CUL2: variants seen among roughly 807,000 people sequenced by gnomAD.
CUL2 encodes the protein cullin 2.
A neutral mutation model predicts 110.2 loss-of-function variants in CUL2; 22 were observed. That is an observed-to-expected ratio of 0.20 (90% confidence interval 0.14 to 0.28). The LOEUF (loss-of-function observed/expected upper bound fraction) is 0.28, where lower values mean the gene tolerates loss of function less well. CUL2 is among the 10% of genes least tolerant of loss of function. The pLI, the probability that CUL2 is intolerant of heterozygous loss-of-function variation, is 1.00. For missense variants in CUL2, 631 were observed against 905.5 expected (o/e 0.70, Z 3.89); for synonymous variants, 279 against 293.2 (o/e 0.95, Z 0.49).
Position 35,011,043 on chromosome 10 carries a change from C to T in CUL2, c.2107-601G>A, listed in dbSNP as rs920358683. On this transcript the variant is annotated intron_variant, in intron 20 of 20. Transcript: ENST00000374749. ...CAATGAATCAGCAAGTTTTAGACCTCTAAAATAAAGCCAAAGCAAATATGA... is the reference window on the plus strand; with the variant it reads ...CAATGAATCAGCAAGTTTTAGACCTTTAAAATAAAGCCAAAGCAAATATGA... Among the ~76,000 whole-genome samples the T allele has an allele frequency of 1.5e-4, 23 of 152,158 alleles. No individual in the cohort carries two copies. The Middle Eastern group carries it at 0.01, about 68-fold the overall frequency.
chr10:35,107,744 T>TG (rs1169975337), intron 1 of CUL2, among the ~76,000 whole-genome samples: 1 of 151,360 alleles, frequency 6.6e-6, no homozygotes, highest in Non-Finnish European at 1.5e-5. Flanking sequence ...TAGCCAGGCG[T>TG]GGTGGCAGGC....
intron 1 of CUL2, 64 bp from the exon 2 acceptor site, chr10:35,071,403 GTT>G (rs2086674711): frequency 6.9e-7 from 1 of 1,445,054 alleles, no homozygotes; most frequent in Non-Finnish European, 9.6e-7. Context: ...TTTTGTTGTT[GTT>G]TTTTGTTTGT....
chr10:35,110,362 G>A (rs2087510378), intron 1 of CUL2, among the ~76,000 whole-genome samples: 1 of 151,496 alleles, frequency 6.6e-6, no homozygotes, highest in African/African-American at 2.4e-5. Context: ...TCAGGAATTC[G>A]AGACCAGCCT....
chr10:35,015,163 C>T (rs189307425), intron 18 of CUL2, among the ~76,000 whole-genome samples: 7 of 151,660 alleles, frequency 4.6e-5, no homozygotes, highest in Admixed American at 3.3e-4. Context: ...CATGGTGGCA[C>T]GTGCCTGTAG....
chr10:35,033,532 C>T (rs1468645453), intron 10 of CUL2, among the ~76,000 whole-genome samples: 1 of 151,764 alleles, frequency 6.6e-6, no homozygotes, highest in Non-Finnish European at 1.5e-5. Context: ...GTCAGGAGAT[C>T]GAGACCATCC....
intron 2 of CUL2, among the ~76,000 whole-genome samples, chr10:35,097,823 G>A (rs956240007): frequency 6.6e-6 from 1 of 151,938 alleles, no homozygotes; most frequent in Admixed American, 6.6e-5. Context: ...GCCAGGCTTG[G>A]TGGTGCATGC....
chr10:35,017,726 C>A (rs557873780), intron 17 of CUL2, among the ~76,000 whole-genome samples: 134 of 151,330 alleles, frequency 8.9e-4, no homozygotes, highest in African/African-American at 2.9e-3. Flanking sequence ...TGCTAAATGA[C>A]CCTGGGAGCT....
intron 2 of CUL2, among the ~76,000 whole-genome samples, chr10:35,067,496 T>A (rs560071888): frequency 1.3e-5 from 2 of 152,074 alleles, no homozygotes; most frequent in Non-Finnish European, 2.9e-5. Flanking sequence ...ATACCTATAA[T>A]CTCAGAACTT....
chr10:35,021,213 A>T (rs956261681), intron 17 of CUL2, among the ~76,000 whole-genome samples: 2 of 151,722 alleles, frequency 1.3e-5, no homozygotes, highest in African/African-American at 4.8e-5. Flanking sequence ...CTGCAGATTA[A>T]ATTAACCTCC....
chr10:35,088,812 C>T (rs148214640), intron 1 of CUL2, among the ~76,000 whole-genome samples: 45 of 152,264 alleles, frequency 3.0e-4, no homozygotes, highest in South Asian at 2.1e-3. Context: ...ATTTTTCCCA[C>T]GCTATGTGCA....
intron 1 of CUL2, among the ~76,000 whole-genome samples, chr10:35,073,585 CTTTT>C (rs889592586): frequency 2.1e-5 from 3 of 145,660 alleles, no homozygotes; most frequent in Admixed American, 6.9e-5. Flanking sequence ...CTTTTCTTTT[CTTTT>C]TTTTTTTCTT....
At chr10:35,042,046 TGTGGGCAATTCA>T (rs1342868658) in intron 8 of CUL2, among the ~76,000 whole-genome samples, 86 of 152,344 alleles carry the variant, frequency 5.6e-4, no homozygotes, top group East Asian at 3.9e-4. Flanking sequence ...GCCATTTTTA[TGTGGGCAATTCA>T]GTGGCATTAA....
intron 1 of CUL2, among the ~76,000 whole-genome samples, chr10:35,123,165 A>AAACAC (rs1452085866): frequency 6.6e-6 from 1 of 151,636 alleles, no homozygotes; most frequent in Non-Finnish European, 1.5e-5. Context: ...ACAAAAAACA[A>AAACAC]AACAAAACAA....
chr10:35,113,709 T>C (rs971106749), intron 1 of CUL2, among the ~76,000 whole-genome samples: 2 of 151,198 alleles, frequency 1.3e-5, no homozygotes, highest in Non-Finnish European at 2.9e-5. Context: ...GACAAGTTTT[T>C]CTTTTTTATT....
chr10:35,054,776 G>A (rs1361149198), intron 4 of CUL2, among the ~76,000 whole-genome samples: 2 of 152,100 alleles, frequency 1.3e-5, no homozygotes, highest in East Asian at 3.8e-4. Flanking sequence ...TCTTATCCAA[G>A]TTTCAGAATT....
chr10:35,120,894 T>C (rs1390671745), intron 1 of CUL2, among the ~76,000 whole-genome samples: 1 of 151,932 alleles, frequency 6.6e-6, no homozygotes, highest in Non-Finnish European at 1.5e-5. Context: ...AGAGATCCTG[T>C]CTCAAAAAAA....
chr10:35,119,134 C>T (rs1021563286), intron 1 of CUL2, among the ~76,000 whole-genome samples: 2 of 152,178 alleles, frequency 1.3e-5, no homozygotes, highest in Non-Finnish European at 2.9e-5. Flanking sequence ...ATTTTCTTCA[C>T]CTACACATAG....
intron 2 of CUL2, among the ~76,000 whole-genome samples, chr10:35,066,041 C>T (rs1008181469): frequency 6.6e-6 from 1 of 152,134 alleles, no homozygotes; most frequent in Non-Finnish European, 1.5e-5. Flanking sequence ...AAGCTCATAG[C>T]TGCAACCAAA....
At chr10:35,068,987 G>A (rs1329547020) in intron 2 of CUL2, among the ~76,000 whole-genome samples, 1 of 152,050 alleles carries the variant, frequency 6.6e-6, no homozygotes, top group Non-Finnish European at 1.5e-5. Context: ...TCCTGCCTCA[G>A]CCTCCCAAGT....
Sources: allele counts gnomAD v4.1 joint callset (sites outside exome capture counted in the v4.1 genomes callset), GRCh38; gene constraint gnomAD v4.1.1; transcripts MANE v1.5; gene names NCBI Gene and HGNC (gene_info 2026-07-23, HGNC 2026-07-21).